KIAA1328: variants seen among roughly 807,000 people sequenced by gnomAD.
KIAA1328 encodes the protein KIAA1328.
Under a neutral mutation model 68.1 loss-of-function variants are expected in KIAA1328, and 52 were observed. The observed-to-expected ratio is 0.76, with a 90% CI of 0.61 to 0.96. The LOEUF (loss-of-function observed/expected upper bound fraction) is 0.96, where lower values mean the gene tolerates loss of function less well. Ranked by LOEUF, KIAA1328 falls within the 40% of genes least tolerant of loss-of-function variation. The probability of loss-of-function intolerance (pLI) is 0.00; values close to 1 mark genes in which losing one functional copy is unlikely to be tolerated. For synonymous variants in KIAA1328, 232 were observed against 239.4 expected (o/e 0.97, Z 0.28); for missense variants, 641 against 677.6 (o/e 0.95, Z 0.60).
At chr18:37,120,649 G>A (rs569477334) in intron 7 of KIAA1328, among the ~76,000 whole-genome samples, 1 of 152,282 alleles carries the variant, frequency 6.6e-6, no homozygotes, top group South Asian at 2.1e-4. Flanking sequence ...CTCAAGGAGA[G>A]CCAGAGAGGC....
intron 5 of KIAA1328, among the ~76,000 whole-genome samples, chr18:36,901,408 G>A (rs2049034347): frequency 6.6e-6 from 1 of 152,058 alleles, no homozygotes; most frequent in Admixed American, 6.6e-5. Context: ...CTATCAGCTT[G>A]TCCATGTGCA....
intron 9 of KIAA1328, among the ~76,000 whole-genome samples, chr18:37,188,128 T>G (rs1244521094): frequency 2.6e-5 from 4 of 152,198 alleles, no homozygotes; most frequent in Non-Finnish European, 4.4e-5. Context: ...ATTTAAGTGT[T>G]CTCCATTAAT....
rs145140954 is a variant in KIAA1328 at position 37,128,218 on chromosome 18, C to G, written c.1233-31982C>G. Among the ~76,000 whole-genome samples the G allele has an allele frequency of 9.7e-3, 1,477 of 152,194 alleles. 31 individuals are homozygous for G. The highest frequency in any genetic ancestry group is 0.034 in the African/African-American group (1,404 of 41,524). ...GCATGGTGACTCATGCCTGTAATTC[C>G]AGCACTTTGGGAGGCCAAGGTTGGT... On this transcript the variant is annotated intron_variant, in intron 7 of 9. Coordinates refer to ENST00000280020, the MANE Select transcript of KIAA1328 (RefSeq NM_020776.3).
chr18:37,098,210 T>A (rs1298582540), intron 7 of KIAA1328, among the ~76,000 whole-genome samples: 9 of 152,380 alleles, frequency 5.9e-5, no homozygotes, highest in Non-Finnish European at 1.3e-4. Context: ...GGCTGTGGGT[T>A]TGTCATAGAT....
At chr18:37,189,298 C>A (rs1211460130) in intron 9 of KIAA1328, among the ~76,000 whole-genome samples, 1 of 151,792 alleles carries the variant, frequency 6.6e-6, no homozygotes, top group Non-Finnish European at 1.5e-5. Flanking sequence ...GGAAAGCTAT[C>A]AGTATAAGGA....
chr18:36,892,013 A>G (rs2048705199), intron 5 of KIAA1328, among the ~76,000 whole-genome samples: 1 of 152,238 alleles, frequency 6.6e-6, no homozygotes, highest in South Asian at 2.1e-4. Flanking sequence ...ATTATGTGAA[A>G]GAAATCATTC....
intron 6 of KIAA1328, among the ~76,000 whole-genome samples, chr18:36,981,352 T>C (rs1196562554): frequency 6.6e-6 from 1 of 151,856 alleles, no homozygotes; most frequent in African/African-American, 2.4e-5. Flanking sequence ...ACCTCAAGAA[T>C]AGAGAAATAC....
At chr18:37,038,325 C>T (rs1005819250) in intron 6 of KIAA1328, among the ~76,000 whole-genome samples, 1 of 152,106 alleles carries the variant, frequency 6.6e-6, no homozygotes, top group African/African-American at 2.4e-5. Context: ...GACTTTCTTA[C>T]CCTCACTATC....
chr18:36,973,488 A>C (rs905915226), intron 6 of KIAA1328, among the ~76,000 whole-genome samples: 1 of 151,990 alleles, frequency 6.6e-6, no homozygotes, highest in African/African-American at 2.4e-5. Flanking sequence ...ATAATAAAAA[A>C]TTTTGCTTTT....
chr18:37,204,161 C>T (rs765127614), intron 9 of KIAA1328, among the ~76,000 whole-genome samples: 3 of 152,088 alleles, frequency 2.0e-5, no homozygotes, highest in African/African-American at 7.2e-5. Flanking sequence ...CAGACAAGGA[C>T]GTATCTAAAA....
At position 36,912,548 on chromosome 18, in the gene KIAA1328, T is replaced by C. The variant is rs115579248; in HGVS notation, c.448+26876T>C. On this transcript the variant is annotated intron_variant, in intron 5 of 9. Coordinates refer to ENST00000280020, the MANE Select transcript of KIAA1328 (RefSeq NM_020776.3). The stretch of plus-strand genomic sequence containing the variant: ...TAACATATTTGCAGGTTTTGGGGAT[T>C]AGGATGTGGACATCTGTGGGTGTAC... Among the ~76,000 whole-genome samples, 1,256 of 152,264 alleles carry C rather than the reference T, an allele frequency of 8.2e-3. 20 individuals are homozygous for C. The highest frequency in any genetic ancestry group is 0.028 in the African/African-American group (1,178 of 41,552).
At chr18:37,205,028 AAG>A (rs751967870) in intron 9 of KIAA1328, among the ~76,000 whole-genome samples, 2 of 152,158 alleles carry the variant, frequency 1.3e-5, no homozygotes, top group East Asian at 3.9e-4. Flanking sequence ...CAAAACCAAT[AAG>A]CCTTAACCAA....
intron 7 of KIAA1328, among the ~76,000 whole-genome samples, chr18:37,111,370 A>G (rs1423190778): frequency 2.0e-5 from 3 of 152,200 alleles, no homozygotes; most frequent in Admixed American, 6.5e-5. Context: ...CTTTAATCAC[A>G]TCTACAGAAT....
At chr18:36,936,586 T>G (rs146429775) in intron 5 of KIAA1328, among the ~76,000 whole-genome samples, 20,706 of 152,218 alleles carry the variant, frequency 0.14, 1,758 homozygotes, top group Admixed American at 0.18. Context: ...TATGTTCATG[T>G]GTCTTTATAG....
At chr18:36,917,077 C>T (rs374807500) in intron 5 of KIAA1328, among the ~76,000 whole-genome samples, 1 of 152,202 alleles carries the variant, frequency 6.6e-6, no homozygotes, top group African/African-American at 2.4e-5. Context: ...AATCCCTGCT[C>T]ATAACATCCT....
intron 4 of KIAA1328, among the ~76,000 whole-genome samples, chr18:36,867,850 A>G (rs1304586820): frequency 6.6e-6 from 1 of 152,244 alleles, no homozygotes; most frequent in Non-Finnish European, 1.5e-5. Context: ...TCAGCATATT[A>G]TGTGTCTAAG....
intron 5 of KIAA1328, among the ~76,000 whole-genome samples, chr18:36,935,568 T>C (rs1304851968): frequency 1.3e-5 from 2 of 152,178 alleles, no homozygotes; most frequent in Non-Finnish European, 2.9e-5. Flanking sequence ...TTTATATTAG[T>C]CTTTGTTTCA....
intron 6 of KIAA1328, among the ~76,000 whole-genome samples, chr18:37,014,425 A>C (rs905877970): frequency 6.6e-6 from 1 of 152,200 alleles, no homozygotes; most frequent in African/African-American, 2.4e-5. Flanking sequence ...CCCATGTCCC[A>C]AATGATGTTT....
At chr18:36,910,529 A>G (rs934285644) in intron 5 of KIAA1328, among the ~76,000 whole-genome samples, 2 of 151,964 alleles carry the variant, frequency 1.3e-5, no homozygotes, top group Non-Finnish European at 2.9e-5. Flanking sequence ...CTGTGGCCTT[A>G]TAGTATAGTT....
Sources: allele counts gnomAD v4.1 joint callset (sites outside exome capture counted in the v4.1 genomes callset), GRCh38; gene constraint gnomAD v4.1.1; transcripts MANE v1.5; gene names NCBI Gene and HGNC (gene_info 2026-07-23, HGNC 2026-07-21).